CSMD3: variants seen among roughly 807,000 people sequenced by gnomAD.
CSMD3 encodes CUB and Sushi multiple domains 3.
In CSMD3, 177 loss-of-function variants were observed where a neutral mutation model predicts 435.2. That is an observed-to-expected ratio of 0.41 (90% CI 0.36 to 0.46). The LOEUF is 0.46. Ranked by LOEUF, CSMD3 falls within the 20% of genes least tolerant of loss-of-function variation. The pLI, the probability that CSMD3 is intolerant of heterozygous loss-of-function variation, is 0.34. For synonymous variants in CSMD3, 1,656 were observed against 1,520.5 expected (o/e 1.09, Z -2.07); for missense variants, 4,265 against 4,504.6 (o/e 0.95, Z 1.52).
chr8:112,539,663 C>T (rs1826477479), intron 27 of CSMD3, among the ~76,000 whole-genome samples: 1 of 151,936 alleles, frequency 6.6e-6, no homozygotes, highest in Non-Finnish European at 1.5e-5. Context: ...TGTGAAAGGA[C>T]TTCAATAAAT....
At chr8:112,975,749 T>C (rs2084821030) in intron 7 of CSMD3, 88 bp downstream of exon 7, 1 of 1,598,606 alleles carries the variant, frequency 6.3e-7, no homozygotes, top group African/African-American at 1.3e-5. Context: ...ATCTTGGCTC[T>C]CTTTCAGCTC....
At chr8:113,084,465 T>C (rs931789968) in intron 5 of CSMD3, among the ~76,000 whole-genome samples, 8 of 151,684 alleles carry the variant, frequency 5.3e-5, no homozygotes, top group Admixed American at 3.3e-4. Flanking sequence ...CATAAACAAA[T>C]GGAAAGGTAT....
At chr8:113,174,570 ACCT>A (rs1279777346) in intron 3 of CSMD3, among the ~76,000 whole-genome samples, 1 of 152,018 alleles carries the variant, frequency 6.6e-6, no homozygotes, top group African/African-American at 2.4e-5. Flanking sequence ...TTTACCTATC[ACCT>A]TCTTATTCTA....
chr8:112,355,987 C>T (rs766047410), intron 38 of CSMD3, among the ~76,000 whole-genome samples: 3 of 151,992 alleles, frequency 2.0e-5, no homozygotes, highest in East Asian at 1.9e-4. Context: ...AGTAAGATAC[C>T]GTCCCACACT....
intron 27 of CSMD3, among the ~76,000 whole-genome samples, chr8:112,535,967 A>AT (rs1826035653): frequency 6.6e-6 from 1 of 152,182 alleles, no homozygotes; most frequent in Admixed American, 6.6e-5. Context: ...CTGGCTAGCC[A>AT]TATGTCGAAA....
chr8:113,185,664 G>A (rs2092488271), intron 3 of CSMD3, among the ~76,000 whole-genome samples: 1 of 152,040 alleles, frequency 6.6e-6, no homozygotes. Context: ...GGGCTGTAGA[G>A]TATGTTTCTT....
chr8:113,148,609 A>G (rs936036987), intron 4 of CSMD3, among the ~76,000 whole-genome samples: 5 of 151,790 alleles, frequency 3.3e-5, no homozygotes, highest in Admixed American at 6.6e-5. Flanking sequence ...AGAATGAGCA[A>G]TGAATTAATA....
intron 32 of CSMD3, among the ~76,000 whole-genome samples, chr8:112,429,918 T>C (rs1170322593): frequency 1.3e-5 from 2 of 151,992 alleles, no homozygotes; most frequent in African/African-American, 4.8e-5. Flanking sequence ...GAAGCCACTA[T>C]CCTGTGGACT....
intron 22 of CSMD3, among the ~76,000 whole-genome samples, chr8:112,591,025 A>C (rs1384791158): frequency 6.6e-6 from 1 of 152,076 alleles, no homozygotes; most frequent in Non-Finnish European, 1.5e-5. Context: ...AAATCATAAA[A>C]ATTAATAATA....
intron 6 of CSMD3, among the ~76,000 whole-genome samples, chr8:113,017,109 C>G (rs1002262082): frequency 6.6e-6 from 1 of 151,864 alleles, no homozygotes; most frequent in Non-Finnish European, 1.5e-5. Flanking sequence ...CGATATAAAT[C>G]CCATCCCTCT....
chr8:113,372,449 A>C (rs556220128), intron 1 of CSMD3, among the ~76,000 whole-genome samples: 1 of 152,200 alleles, frequency 6.6e-6, no homozygotes. Context: ...GAGGATCTTA[A>C]CTTACTCTTC....
chr8:113,082,781 T>C (rs1316924829), intron 5 of CSMD3, among the ~76,000 whole-genome samples: 1 of 152,252 alleles, frequency 6.6e-6, no homozygotes, highest in South Asian at 2.1e-4. Flanking sequence ...AGATATCCTA[T>C]AGTTGAGAAA....
chr8:112,319,057 C>T (rs1411266662), intron 46 of CSMD3, 107 bp from the exon 47 acceptor site: 1 of 745,894 alleles, frequency 1.3e-6, no homozygotes, highest in South Asian at 1.5e-5. Context: ...TATTTTCAAT[C>T]AGTATAAAAA....
chr8:112,776,953 C>T (rs1392616732), intron 13 of CSMD3, among the ~76,000 whole-genome samples: 4 of 151,508 alleles, frequency 2.6e-5, no homozygotes, highest in Non-Finnish European at 4.4e-5. Flanking sequence ...TAAAAGGATC[C>T]GAAACATAAA....
intron 53 of CSMD3, among the ~76,000 whole-genome samples, chr8:112,297,229 T>G (rs1182403197): frequency 7.3e-6 from 1 of 136,858 alleles, no homozygotes; most frequent in Non-Finnish European, 1.6e-5. Flanking sequence ...AAGTAATCAT[T>G]AACCCCAATA....
chr8:112,493,885 C>G (rs1259535047), intron 30 of CSMD3, among the ~76,000 whole-genome samples: 1 of 151,930 alleles, frequency 6.6e-6, no homozygotes, highest in East Asian at 1.9e-4. Flanking sequence ...TACAATAAAT[C>G]AGGATAACAA....
At chr8:112,660,427 G>A (rs1563823681) in intron 17 of CSMD3, among the ~76,000 whole-genome samples, 1 of 152,134 alleles carries the variant, frequency 6.6e-6, no homozygotes, top group Non-Finnish European at 1.5e-5. Context: ...TGCTAACCAT[G>A]TGATATCTGT....
At chr8:113,203,026 A>G (rs1424573335) in intron 3 of CSMD3, among the ~76,000 whole-genome samples, 1 of 152,112 alleles carries the variant, frequency 6.6e-6, no homozygotes, top group African/African-American at 2.4e-5. Flanking sequence ...TTTTCAACTG[A>G]ATTGAAAAAT....
chr8:112,262,702 G>T (rs1816535332), intron 61 of CSMD3, among the ~76,000 whole-genome samples: 1 of 152,128 alleles, frequency 6.6e-6, no homozygotes, highest in Non-Finnish European at 1.5e-5. Context: ...AAGCCCTCTT[G>T]CAAAAGCACA....
Sources: allele counts gnomAD v4.1 joint callset (sites outside exome capture counted in the v4.1 genomes callset), GRCh38; gene constraint gnomAD v4.1.1; transcripts MANE v1.5; gene names NCBI Gene and HGNC (gene_info 2026-07-23, HGNC 2026-07-21).